The following GLRA1 variants were observed in gnomAD, a reference collection of about 807,000 sequenced individuals.
GLRA1 encodes the protein glycine receptor subunit alpha-1.
A neutral mutation model predicts 48.3 loss-of-function variants in GLRA1; 37 were observed. That is an observed-to-expected ratio of 0.77 (90% CI 0.59 to 1.01). GLRA1 has a LOEUF of 1.01. GLRA1 is among the 50% of genes least tolerant of loss of function. The pLI is 0.00. For missense variants in GLRA1, 427 were observed against 571.0 expected, an observed-to-expected ratio of 0.75 and a Z score of 2.57; for synonymous variants, 196 against 210.7, an observed-to-expected ratio of 0.93 and a Z score of 0.60.
rs1754097765 is a variant in GLRA1 at position 151,892,305 on chromosome 5, C to G, written c.184+6G>C. 6.2e-7 allele frequency: 1 copy of G among 1,613,628 alleles called. No individual in the cohort carries two copies. Among genetic ancestry groups the G allele is most frequent in the Non-Finnish European group, 8.5e-7 (1 of 1,179,576 alleles). On this transcript the variant is annotated splice_donor_region_variant and intron_variant, in intron 2 of 8. Coordinates refer to ENST00000274576, the MANE Select transcript of GLRA1 (RefSeq NM_000171.4). ...CCTGTGGGTCTGGAAGGAATATTTT[C>G]TCTACCTTTAAAATTGGGCCTGATC...
At position 151,871,556 on chromosome 5, in the gene GLRA1, C is replaced by CT. The variant is rs1258822520; in HGVS notation, c.253-11549dup. The stretch of plus-strand genomic sequence containing the variant: ...GCAATCCTAATCAAAACCTGAGAGG[C>CT]TTTTTTTTTTTTCTTTTTTTTTGAG... On this transcript the variant is annotated intron_variant, in intron 3 of 8. Transcript: ENST00000274576. Among the ~76,000 whole-genome samples, 314 of 138,672 alleles carry CT rather than the reference C, an allele frequency of 2.3e-3. 12 individuals are homozygous for CT. Among genetic ancestry groups the CT allele is most frequent in the South Asian group, 4.5e-3 (20 of 4,426 alleles). The allele number at this position is 138,672 out of a possible 152,430, so 91.0% of individuals were successfully genotyped here. A position where few individuals can be genotyped will look rare whatever the true frequency, so the allele number is the denominator to read the frequency against.
At chr5:151,885,491 C>T (rs951426413) in intron 3 of GLRA1, among the ~76,000 whole-genome samples, 8 of 152,198 alleles carry the variant, frequency 5.3e-5, no homozygotes, top group South Asian at 4.1e-4. Flanking sequence ...CTCACACACA[C>T]GTACGCGCAT....
chr5:151,907,916 C>T (rs888189329), intron 1 of GLRA1, among the ~76,000 whole-genome samples: 1 of 152,208 alleles, frequency 6.6e-6, no homozygotes, highest in Non-Finnish European at 1.5e-5. Flanking sequence ...GCAGTTGTGG[C>T]TCCCTTGGGC....
rs115983267 is a variant in GLRA1, at chr5:151,913,996, A to G, written c.56+10498T>C. ...ATTTATCCTAGGAAGTAAGATTTAC[A>G]TGTATTTTAGTTTCAAACATATCTC... On this transcript the variant is annotated intron_variant, in intron 1 of 8. Coordinates refer to ENST00000274576, the MANE Select transcript of GLRA1 (RefSeq NM_000171.4). Among the ~76,000 whole-genome samples, 1,225 of 152,344 alleles carry G rather than the reference A, an allele frequency of 8.0e-3. 19 individuals carry two copies. The highest frequency in any genetic ancestry group is 0.028 in the African/African-American group (1,153 of 41,576).
intron 7 of GLRA1, among the ~76,000 whole-genome samples, chr5:151,831,181 G>A (rs4510568): frequency 0.51 from 77,203 of 151,916 alleles, 21,373 homozygotes; most frequent in African/African-American, 0.75. Flanking sequence ...TCGGGTGCCT[G>A]TGCCACCAGG....
chr5:151,922,207 A>G (rs890397012), intron 1 of GLRA1, among the ~76,000 whole-genome samples: 7 of 151,644 alleles, frequency 4.6e-5, no homozygotes, highest in Admixed American at 3.3e-4. Flanking sequence ...CCTGGGGAAG[A>G]AGGGTTTATT....
chr5:151,906,835 G>T (rs1193381990), intron 1 of GLRA1, among the ~76,000 whole-genome samples: 2 of 152,198 alleles, frequency 1.3e-5, no homozygotes, highest in Non-Finnish European at 2.9e-5. Flanking sequence ...TAATTTTATA[G>T]TTTGAGTACC....
In GLRA1 at chr5:151,856,005, C is replaced by T. The variant is rs150895780; in HGVS notation, c.559+296G>A. Among the ~76,000 whole-genome samples the T allele has an allele frequency of 2.2e-4, 34 of 152,314 alleles. No individual in the cohort carries two copies. In the East Asian group the frequency reaches 6.0e-3, roughly 27 times the overall value. On this transcript the variant is annotated intron_variant, in intron 5 of 8. Transcript: ENST00000274576. ...TGCTGGAGTGAACATCTTGTGGGTT[C>T]AAGGACCATGACTTATTCAAGCCAT...
At chr5:151,884,927 C>A (rs2033212) in intron 3 of GLRA1, among the ~76,000 whole-genome samples, 90,070 of 152,044 alleles carry the variant, frequency 0.59, 26,813 homozygotes, top group East Asian at 0.69. Flanking sequence ...TGTAAGACAT[C>A]CATTCAAAGG....
At chr5:151,855,670 C>T (rs986051412) in intron 5 of GLRA1, among the ~76,000 whole-genome samples, 1 of 152,222 alleles carries the variant, frequency 6.6e-6, no homozygotes, top group Non-Finnish European at 1.5e-5. Context: ...TTGGTTTGTG[C>T]TGATTCCCCT....
chr5:151,850,389 GA>G, intron 7 of GLRA1: 1 of 1,282,382 alleles, frequency 7.8e-7, no homozygotes, highest in African/African-American at 1.5e-5. Flanking sequence ...AGCAACCTTT[GA>G]TCCCAAGCCC....
At chr5:151,875,855 C>G (rs184486193) in intron 3 of GLRA1, among the ~76,000 whole-genome samples, 90 of 152,300 alleles carry the variant, frequency 5.9e-4, no homozygotes, top group Admixed American at 2.6e-3. Context: ...AACAGGGCCT[C>G]AGGAGTCAGG....
At chr5:151,868,397 A>AT (rs1267640875) in intron 3 of GLRA1, among the ~76,000 whole-genome samples, 13 of 152,168 alleles carry the variant, frequency 8.5e-5, no homozygotes, top group Non-Finnish European at 1.3e-4. Flanking sequence ...TATGTGTGTT[A>AT]TTTTTTATCT....
At chr5:151,851,762 G>C (rs1752920203) in intron 6 of GLRA1, among the ~76,000 whole-genome samples, 158 bp from the exon 7 acceptor site, 1 of 152,158 alleles carries the variant, frequency 6.6e-6, no homozygotes, top group African/African-American at 2.4e-5. Context: ...CTTATGTATA[G>C]TAAACTGGGG....
At chr5:151,854,571 A>G (rs1752987649) in intron 6 of GLRA1, among the ~76,000 whole-genome samples, 1 of 152,200 alleles carries the variant, frequency 6.6e-6, no homozygotes. Context: ...GCTAAGCTAC[A>G]CCATCGTGGC....
intron 7 of GLRA1, among the ~76,000 whole-genome samples, chr5:151,845,953 A>G (rs908237462): frequency 3.3e-5 from 5 of 152,202 alleles, no homozygotes; most frequent in African/African-American, 1.2e-4. Context: ...AAAGAAGCCA[A>G]TCGTAAAAGG....
At chr5:151,833,815 AGC>A (rs762806509) in intron 7 of GLRA1, among the ~76,000 whole-genome samples, 2,267 of 149,102 alleles carry the variant, frequency 0.015, 30 homozygotes, top group South Asian at 0.051. Context: ...AAAAAAAAAA[AGC>A]AGGGGTTGCA....
chr5:151,829,549 A>G (rs569349849), intron 7 of GLRA1, among the ~76,000 whole-genome samples: 111 of 152,364 alleles, frequency 7.3e-4, no homozygotes, highest in African/African-American at 2.5e-3. Flanking sequence ...TTTATTCAAG[A>G]AAATCAGCTG....
intron 7 of GLRA1, among the ~76,000 whole-genome samples, chr5:151,840,698 A>T (rs750613774): frequency 3.6e-4 from 55 of 151,604 alleles, no homozygotes; most frequent in Non-Finnish European, 7.2e-4. Flanking sequence ...ACAGTAACCA[A>T]AAGAGGCCTT....
Sources: gnomAD v4.1 joint callset for allele counts (sites outside exome capture counted in the v4.1 genomes callset) on GRCh38, gnomAD v4.1.1 for gene constraint, MANE v1.5 for transcripts, NCBI Gene and HGNC (gene_info 2026-07-23, HGNC 2026-07-21) for gene names.